Variants in C5orf46 observed in about 807,000 individuals in gnomAD.
C5orf46 encodes the protein chromosome 5 open reading frame 46.
Under a neutral mutation model 8.9 loss-of-function variants are expected in C5orf46, and 9 were observed. The observed-to-expected ratio is 1.01, with a 90% CI of 0.61 to 1.76. The LOEUF is 1.76. Among genes scored for constraint, C5orf46 ranks in the 40% most tolerant of loss-of-function variants. The probability of loss-of-function intolerance (pLI) is 0.00; values close to 1 mark genes in which losing one functional copy is unlikely to be tolerated. For missense variants in C5orf46, 98 were observed against 107.8 expected, an observed-to-expected ratio of 0.91 and a Z score of 0.40; for synonymous variants, 47 against 41.4, an observed-to-expected ratio of 1.14 and a Z score of -0.52.
At chr5:147,906,204 A>G (rs781053770) in intron 1 of C5orf46, among the ~76,000 whole-genome samples, 57 of 152,240 alleles carry the variant, frequency 3.7e-4, no homozygotes, top group Admixed American at 2.9e-3. Context: ...ATAAGAGCAC[A>G]TAAAAAAATT....
At chr5:147,893,907 A>ATTT (rs112629955) in intron 3 of C5orf46, among the ~76,000 whole-genome samples, 106 of 142,862 alleles carry the variant, frequency 7.4e-4, no homozygotes, top group African/African-American at 2.6e-3. Context: ...GGGAAGGCAT[A>ATTT]TTTTTTTTTT....
At chr5:147,891,770 A>C (rs1757505908), downstream of C5orf46, among the ~76,000 whole-genome samples, 1 of 152,202 alleles carries the variant, frequency 6.6e-6, no homozygotes, top group South Asian at 2.1e-4. Context: ...GTGGGATGTG[A>C]TATTTGAAAT....
At chr5:147,893,646 G>A (rs1485645853) in intron 3 of C5orf46, among the ~76,000 whole-genome samples, 11 of 152,058 alleles carry the variant, frequency 7.2e-5, no homozygotes, top group Admixed American at 3.9e-4. Flanking sequence ...TGGTTCAAGC[G>A]ATTCTCCTGC....
intron 2 of C5orf46, among the ~76,000 whole-genome samples, chr5:147,899,809 A>G (rs1370762248): frequency 3.9e-5 from 6 of 152,174 alleles, no homozygotes; most frequent in Non-Finnish European, 8.8e-5. Flanking sequence ...ACTAGTCATT[A>G]GAAAAGGAGA....
chr5:147,891,693 T>G (rs1425970208), downstream of C5orf46, among the ~76,000 whole-genome samples: 1 of 152,156 alleles, frequency 6.6e-6, no homozygotes. Context: ...GCAGCCACAT[T>G]TGATGGGGAG....
rs116304924 is a variant in C5orf46 at position 147,903,243 on chromosome 5, A to G, written c.71-1470T>C. ...GTACCCTGACAAGTAATGTTACCAG[A>G]CTGGGTACATAAAAATACAGGATGC... On this transcript the variant is annotated intron_variant, in intron 1 of 3. Transcript: ENST00000318315. 3.6e-3 allele frequency among the ~76,000 whole-genome samples: 545 copies of G among 152,346 alleles called. 4 individuals carry two copies. Among genetic ancestry groups the G allele is most frequent in the African/African-American group, 0.013 (529 of 41,580 alleles).
intron 1 of C5orf46, among the ~76,000 whole-genome samples, chr5:147,905,772 C>T (rs1757742349): frequency 6.6e-6 from 1 of 152,160 alleles, no homozygotes. Flanking sequence ...TGTATGTATG[C>T]TCAAGTAACT....
downstream of C5orf46, among the ~76,000 whole-genome samples, chr5:147,889,017 G>C (rs760432416): frequency 6.6e-6 from 1 of 151,798 alleles, no homozygotes; most frequent in Non-Finnish European, 1.5e-5. Flanking sequence ...AATGCCCTTT[G>C]ATCTTGCAAT....
chr5:147,905,309 A>G (rs1377039789), intron 1 of C5orf46, among the ~76,000 whole-genome samples: 1 of 152,202 alleles, frequency 6.6e-6, no homozygotes, highest in African/African-American at 2.4e-5. Flanking sequence ...TGAAGTTGAT[A>G]GTTATCCCGT....
At chr5:147,896,713 CA>C (rs1276098115) in intron 3 of C5orf46, among the ~76,000 whole-genome samples, 2 of 152,118 alleles carry the variant, frequency 1.3e-5, no homozygotes, top group East Asian at 3.8e-4. Flanking sequence ...TTGTACAAAG[CA>C]AGTTCCTAGC....
intron 2 of C5orf46, among the ~76,000 whole-genome samples, chr5:147,898,384 T>C (rs1272993301): frequency 1.3e-5 from 2 of 152,062 alleles, no homozygotes; most frequent in African/African-American, 4.8e-5. Flanking sequence ...TCCTTAGATT[T>C]CTGGATTCTG....
intron 1 of C5orf46, among the ~76,000 whole-genome samples, chr5:147,903,801 G>T (rs1021041403): frequency 6.6e-6 from 1 of 152,126 alleles, no homozygotes; most frequent in Non-Finnish European, 1.5e-5. Flanking sequence ...AGGCTGAAGG[G>T]CAGTGAAGTG....
chr5:147,888,591 C>T (rs1435234035), downstream of C5orf46, among the ~76,000 whole-genome samples: 1 of 152,152 alleles, frequency 6.6e-6, no homozygotes, highest in Non-Finnish European at 1.5e-5. Context: ...CCTATTCAAC[C>T]ACTTTATTAT....
chr5:147,894,203 T>C (rs1162114730), intron 3 of C5orf46, among the ~76,000 whole-genome samples: 1 of 152,202 alleles, frequency 6.6e-6, no homozygotes, highest in Admixed American at 6.5e-5. Flanking sequence ...TTTAGTAATC[T>C]AGTGAGGTTT....
At chr5:147,899,179 C>T (rs1005771421) in intron 2 of C5orf46, among the ~76,000 whole-genome samples, 1 of 152,140 alleles carries the variant, frequency 6.6e-6, no homozygotes, top group Non-Finnish European at 1.5e-5. Context: ...TCTTGCTACT[C>T]ATTTTTATTT....
chr5:147,889,280 C>T (rs114637128), downstream of C5orf46, among the ~76,000 whole-genome samples: 1,064 of 152,224 alleles, frequency 7.0e-3, 11 homozygotes, highest in African/African-American at 0.024. Context: ...GAGTAAAGCA[C>T]TCACCCAAAC....
intron 2 of C5orf46, among the ~76,000 whole-genome samples, chr5:147,898,065 T>TA (rs1278061503): frequency 6.6e-6 from 1 of 152,112 alleles, no homozygotes; most frequent in Non-Finnish European, 1.5e-5. Flanking sequence ...ATGGCAGTGA[T>TA]ATGACCAAAT....
chr5:147,901,137 C>G (rs932525956), intron 2 of C5orf46, among the ~76,000 whole-genome samples: 1 of 152,108 alleles, frequency 6.6e-6, no homozygotes, highest in Non-Finnish European at 1.5e-5. Flanking sequence ...AGGCAGGACT[C>G]CTCACACCCA....
At chr5:147,889,609 C>T (rs1346070850), downstream of C5orf46, among the ~76,000 whole-genome samples, 1 of 152,068 alleles carries the variant, frequency 6.6e-6, no homozygotes, top group Non-Finnish European at 1.5e-5. Context: ...ATCTATGTAA[C>T]AAACCTGCAT....
Sources: gnomAD v4.1 joint callset for allele counts (sites outside exome capture counted in the v4.1 genomes callset) on GRCh38, gnomAD v4.1.1 for gene constraint, MANE v1.5 for transcripts, NCBI Gene and HGNC (gene_info 2026-07-23, HGNC 2026-07-21) for gene names.